Variants in EXOC6 observed in about 807,000 individuals in gnomAD.
EXOC6 encodes the protein SEC15-like 1.
A neutral mutation model predicts 112.5 loss-of-function variants in EXOC6; 60 were observed. The ratio of observed to expected loss-of-function variants is 0.53; its 90% CI spans 0.43 to 0.66. The LOEUF (loss-of-function observed/expected upper bound fraction) is 0.66. Ranked by LOEUF, EXOC6 falls within the 30% of genes least tolerant of loss-of-function variation. The pLI is 0.00. For synonymous variants in EXOC6, 295 were observed against 308.0 expected, an observed-to-expected ratio of 0.96 and a Z score of 0.44; for missense variants, 855 against 957.1, an observed-to-expected ratio of 0.89 and a Z score of 1.41.
In EXOC6 at chr10:92,920,081, G is replaced by T. The variant is rs1438030317; in HGVS notation, c.888+31G>T. 4 of 1,350,198 alleles carry T rather than the reference G, an allele frequency of 3.0e-6. No homozygotes were observed. In the African/African-American group the frequency reaches 6.0e-5, roughly 20 times the overall value. 83.6% of individuals were successfully genotyped at this position (1,350,198 alleles called of 1,614,324 possible). A position where few individuals can be genotyped will look rare whatever the true frequency, so the allele number is the denominator to read the frequency against. ...TATGTTTTATATTTATGTATATATA[G>T]CTTTATATTATTTAAAAGGCATGTA... On this transcript the variant is annotated intron_variant, in intron 8 of 21. Coordinates refer to ENST00000260762, the MANE Select transcript of EXOC6 (RefSeq NM_019053.6).
chr10:92,862,338 C>G (rs528069118), intron 1 of EXOC6, among the ~76,000 whole-genome samples: 1 of 152,118 alleles, frequency 6.6e-6, no homozygotes, highest in South Asian at 2.1e-4. Context: ...ATGCCCCCCC[C>G]CCATAATTCA....
At chr10:93,054,428 G>A (rs1453320758) in intron 20 of EXOC6, among the ~76,000 whole-genome samples, 1 of 152,162 alleles carries the variant, frequency 6.6e-6, no homozygotes, top group South Asian at 2.1e-4. Context: ...TGTACAATAT[G>A]TATTTCTATA....
chr10:92,975,489 C>T (rs558570549), intron 18 of EXOC6, among the ~76,000 whole-genome samples: 3 of 148,892 alleles, frequency 2.0e-5, no homozygotes, highest in Non-Finnish European at 3.0e-5. Flanking sequence ...GGGGTCAGCC[C>T]CCCGCCCACC....
At chr10:93,056,646 ATATATAT>A (rs59449396) in intron 20 of EXOC6, among the ~76,000 whole-genome samples, 131,475 of 151,596 alleles carry the variant, frequency 0.87, 57,178 homozygotes, top group East Asian at 0.99. Context: ...ACAAGGGTTA[ATATATAT>A]TATATTAACA....
chr10:92,831,119 T>C (rs1051160880), upstream of EXOC6, among the ~76,000 whole-genome samples: 4 of 152,176 alleles, frequency 2.6e-5, no homozygotes, highest in Non-Finnish European at 5.9e-5. Context: ...AAACAGGAAG[T>C]TGTTGCCCGT....
chr10:92,983,360 G>T (rs1842891518), intron 18 of EXOC6, among the ~76,000 whole-genome samples: 1 of 151,930 alleles, frequency 6.6e-6, no homozygotes, highest in Non-Finnish European at 1.5e-5. Flanking sequence ...TATTTCTTCT[G>T]GTGGTTATCT....
intron 14 of EXOC6, among the ~76,000 whole-genome samples, chr10:92,952,005 T>C (rs1853445703): frequency 6.6e-6 from 1 of 152,162 alleles, no homozygotes; most frequent in Non-Finnish European, 1.5e-5. Context: ...ACCAGAATAC[T>C]CATCATCAGA....
rs374837371 is a variant in EXOC6 at position 93,013,469 on chromosome 10, G to A, written c.2096-725G>A. Among the ~76,000 whole-genome samples the A allele has an allele frequency of 4.6e-5, 7 of 152,198 alleles. No homozygotes were observed. In the East Asian group the frequency reaches 9.7e-4, roughly 21 times the overall value. On this transcript the variant is annotated intron_variant, in intron 19 of 21. Transcript: ENST00000260762. Reference sequence around the variant, plus strand: ...AAAATACAAAAAAAATTAGCCGGCCGTGGCGGCATGCGCCTGTAGTCCCAG... The same window carrying A: ...AAAATACAAAAAAAATTAGCCGGCCATGGCGGCATGCGCCTGTAGTCCCAG...
At chr10:92,852,356 C>T (rs528686302) in intron 1 of EXOC6, among the ~76,000 whole-genome samples, 1 of 152,196 alleles carries the variant, frequency 6.6e-6, no homozygotes, top group East Asian at 1.9e-4. Flanking sequence ...GGGAATATTT[C>T]CCAGCTCATT....
At chr10:92,882,929 T>A (rs915226257) in intron 1 of EXOC6, among the ~76,000 whole-genome samples, 1 of 152,208 alleles carries the variant, frequency 6.6e-6, no homozygotes, top group African/African-American at 2.4e-5. Context: ...TAGGAACAAA[T>A]AGAGTGTCTC....
chr10:92,917,132 A>G (rs1441867130), intron 7 of EXOC6, among the ~76,000 whole-genome samples: 1 of 151,770 alleles, frequency 6.6e-6, no homozygotes, highest in Non-Finnish European at 1.5e-5. Flanking sequence ...CCGGCTGGCT[A>G]ATTTTTGTAT....
At chr10:92,885,904 T>G (rs1286510812) in intron 1 of EXOC6, among the ~76,000 whole-genome samples, 4 of 152,196 alleles carry the variant, frequency 2.6e-5, no homozygotes, top group Non-Finnish European at 4.4e-5. Context: ...AGCACTAAGG[T>G]ATACTCTTAT....
At chr10:92,915,564 G>GT (rs1564826675) in intron 6 of EXOC6, among the ~76,000 whole-genome samples, 194 bp from the exon 7 acceptor site, 1 of 98,120 alleles carries the variant, frequency 1.0e-5, no homozygotes, top group African/African-American at 4.3e-5. Flanking sequence ...GTGAGACCCT[G>GT]ATTTTTTTTT....
chr10:92,869,257 C>G (rs1046206263), intron 1 of EXOC6, among the ~76,000 whole-genome samples: 1 of 151,798 alleles, frequency 6.6e-6, no homozygotes, highest in African/African-American at 2.4e-5. Context: ...CCCTCCTTGG[C>G]CTTCCAGAGT....
At position 92,909,506 on chromosome 10, in the gene EXOC6, C is replaced by G; in HGVS notation, c.538C>G (p.Leu180Val). Residue 180 changes from leucine to valine, a missense_variant, in exon 6 of 22, where the codon CTC (leucine) becomes GTC (valine). Leu to Val is a conservative substitution (Grantham distance 32). This residue lies in a region of EXOC6 where 405 missense variants were observed against 393.6 expected (regional missense o/e 1.03). Coordinates refer to ENST00000260762, the MANE Select transcript of EXOC6 (RefSeq NM_019053.6). ...GGTTAGTCAATACCGGTTTTGTCAG[C>G]TCATGATAGAAAATCTTCCCAAACT... ...PWVSQYRFCQ[L>V]MIENLPKLRE... 2 of 1,613,436 alleles carry G rather than the reference C, an allele frequency of 1.2e-6. No individual in the cohort carries two copies. The highest frequency in any genetic ancestry group is 1.7e-6 in the Non-Finnish European group (2 of 1,179,560).
intron 19 of EXOC6, among the ~76,000 whole-genome samples, chr10:93,006,623 A>G (rs1843997239): frequency 6.6e-6 from 1 of 152,166 alleles, no homozygotes; most frequent in Non-Finnish European, 1.5e-5. Context: ...TAAGTTCTTC[A>G]CCACCAGAAA....
chr10:92,832,766 G>A (rs1345875190), upstream of EXOC6, among the ~76,000 whole-genome samples: 1 of 150,462 alleles, frequency 6.6e-6, no homozygotes, highest in African/African-American at 2.5e-5. Flanking sequence ...GGGCTCAAGT[G>A]ATTCTTGGGC....
intron 5 of EXOC6, among the ~76,000 whole-genome samples, chr10:92,902,140 T>C (rs988735333): frequency 1.1e-4 from 16 of 152,160 alleles, no homozygotes; most frequent in African/African-American, 3.9e-4. Flanking sequence ...CTTTTCTCTC[T>C]TTTAGAACAT....
At chr10:92,887,233 T>C (rs564061230) in intron 1 of EXOC6, among the ~76,000 whole-genome samples, 1 of 152,188 alleles carries the variant, frequency 6.6e-6, no homozygotes, top group Non-Finnish European at 1.5e-5. Context: ...TCCAGTGTTC[T>C]GATACATGTC....
Sources: gnomAD v4.1 joint callset for allele counts (sites outside exome capture counted in the v4.1 genomes callset) on GRCh38, gnomAD v4.1.1 for gene constraint, gnomAD v4.1.1 regional missense constraint, MANE v1.5 for transcripts, NCBI Gene and HGNC (gene_info 2026-07-23, HGNC 2026-07-21) for gene names.